Variants in ZNF385D observed in about 807,000 individuals in gnomAD.
The protein encoded by ZNF385D is zinc finger protein 385D, also known as zinc finger protein 659.
ZNF385D carries 15 observed loss-of-function variants against 35.8 expected under a neutral mutation model. That is an observed-to-expected ratio of 0.42 (90% confidence interval 0.28 to 0.64). The LOEUF is 0.64. Ranked by LOEUF, ZNF385D falls within the 30% of genes least tolerant of loss-of-function variation. ZNF385D has a pLI of 0.23. For missense variants in ZNF385D, 474 were observed against 494.6 expected (o/e 0.96, Z 0.39); for synonymous variants, 212 against 186.8 (o/e 1.13, Z -1.10).
intron 3 of ZNF385D, among the ~76,000 whole-genome samples, chr3:21,903,979 G>A (rs566240777): frequency 1.3e-4 from 20 of 152,058 alleles, no homozygotes; most frequent in South Asian, 8.3e-4. Flanking sequence ...CTTTTCAAAG[G>A]TTTGCATCCC....
chr3:22,348,084 T>G (rs905097506), intron 2 of ZNF385D, among the ~76,000 whole-genome samples: 8 of 152,284 alleles, frequency 5.3e-5, no homozygotes, highest in African/African-American at 1.9e-4. Context: ...CATACATTTT[T>G]TAACTGGTAC....
chr3:21,855,712 C>T (rs753322563), intron 3 of ZNF385D, among the ~76,000 whole-genome samples: 1 of 151,936 alleles, frequency 6.6e-6, no homozygotes, highest in Non-Finnish European at 1.5e-5. Context: ...CTAAAAGGTA[C>T]AGAATGAGAA....
chr3:21,536,653 A>G (rs1320112503), intron 3 of ZNF385D, among the ~76,000 whole-genome samples: 1 of 152,086 alleles, frequency 6.6e-6, no homozygotes, highest in African/African-American at 2.4e-5. Context: ...AACAGGCAAA[A>G]ATTTTTGCCC....
chr3:21,888,923 A>G (rs1698693479), intron 3 of ZNF385D, among the ~76,000 whole-genome samples: 1 of 152,220 alleles, frequency 6.6e-6, no homozygotes, highest in Non-Finnish European at 1.5e-5. Context: ...AGAAGATGGT[A>G]TCAGAAAAAT....
rs1415691733 is a variant in ZNF385D at position 21,967,540 on chromosome 3, G to A, written c.325+201277C>T. On this transcript the variant is annotated intron_variant, in intron 3 of 5. Coordinates refer to the ZNF385D transcript ENST00000494108. ...GCTGGTCCTAAAGGGCCAGTTCCTG[G>A]AGAGAAGGAAAGCTTATAGAGGGGA... 3.9e-4 allele frequency among the ~76,000 whole-genome samples: 60 copies of A among 152,174 alleles called. 1 individual carries two copies. The highest frequency in any genetic ancestry group is 3.9e-3 in the Admixed American group (60 of 15,268).
At position 22,362,250 on chromosome 3, in the gene ZNF385D, C is replaced by T. The variant is rs182690460; in HGVS notation, c.106+10200G>A. ...TAATTTATGATCTGAAAAGAGAAAA[C>T]TCTAAGTATCATCTCTTCAGATTAA... On this transcript the variant is annotated intron_variant, in intron 2 of 5. Coordinates refer to the ZNF385D transcript ENST00000494108. Among the ~76,000 whole-genome samples the T allele has an allele frequency of 2.1e-3, 319 of 151,848 alleles. 1 individual carries two copies. Among genetic ancestry groups the T allele is most frequent in the Non-Finnish European group, 3.9e-3 (266 of 67,862 alleles).
intron 3 of ZNF385D, among the ~76,000 whole-genome samples, chr3:22,069,879 C>T (rs1700146583): frequency 6.6e-6 from 1 of 152,124 alleles, no homozygotes. Flanking sequence ...CTCTATGTCT[C>T]CTTTTGCTTT....
intron 3 of ZNF385D, among the ~76,000 whole-genome samples, chr3:21,859,033 G>A (rs1696890892): frequency 1.3e-5 from 2 of 151,952 alleles, no homozygotes; most frequent in African/African-American, 2.4e-5. Context: ...TACATATAAC[G>A]GGGGGAAGTA....
intron 3 of ZNF385D, among the ~76,000 whole-genome samples, chr3:21,864,981 G>C (rs945146359): frequency 2.3e-5 from 2 of 86,156 alleles, no homozygotes; most frequent in African/African-American, 8.8e-5. Context: ...ACCTACGTTT[G>C]GAACAATGCT....
chr3:22,336,400 G>A (rs574655656), intron 2 of ZNF385D, among the ~76,000 whole-genome samples: 23 of 152,138 alleles, frequency 1.5e-4, no homozygotes, highest in African/African-American at 5.5e-4. Context: ...TAGTTTTACG[G>A]AACTGATTTA....
chr3:22,111,032 G>C (rs867560384), intron 3 of ZNF385D, among the ~76,000 whole-genome samples: 2 of 151,664 alleles, frequency 1.3e-5, no homozygotes, highest in Non-Finnish European at 2.9e-5. Context: ...TAGTGTCATT[G>C]TTAAAGGCAA....
intron 3 of ZNF385D, among the ~76,000 whole-genome samples, chr3:21,546,502 C>G (rs1263726910): frequency 2.6e-5 from 4 of 152,048 alleles, no homozygotes; most frequent in Non-Finnish European, 5.9e-5. Context: ...GAGGAGGACT[C>G]AGTTCCACAG....
At chr3:21,447,107 G>T (rs943387984) in intron 4 of ZNF385D, among the ~76,000 whole-genome samples, 1 of 152,092 alleles carries the variant, frequency 6.6e-6, no homozygotes, top group Non-Finnish European at 1.5e-5. Context: ...AGATTGTTAG[G>T]CCTTGTTCTA....
intron 2 of ZNF385D, among the ~76,000 whole-genome samples, chr3:22,321,468 C>T (rs4384975): frequency 0.24 from 36,198 of 151,642 alleles, 4,470 homozygotes; most frequent in East Asian, 0.26. Context: ...TGGGTTCAAG[C>T]GATTCTCCTG....
chr3:22,282,269 T>C (rs1358160903), intron 2 of ZNF385D, among the ~76,000 whole-genome samples: 1 of 152,072 alleles, frequency 6.6e-6, no homozygotes, highest in Non-Finnish European at 1.5e-5. Context: ...ATTTCTTTTC[T>C]TCTGCTGGGT....
intron 3 of ZNF385D, among the ~76,000 whole-genome samples, chr3:21,925,062 G>A (rs1436094019): frequency 6.6e-6 from 1 of 152,150 alleles, no homozygotes; most frequent in Non-Finnish European, 1.5e-5. Context: ...AACACAGTAA[G>A]GATGCCAATT....
intron 3 of ZNF385D, among the ~76,000 whole-genome samples, chr3:22,106,587 C>G (rs1702225420): frequency 6.6e-6 from 1 of 152,144 alleles, no homozygotes; most frequent in Non-Finnish European, 1.5e-5. Context: ...TTGAGTCTCT[C>G]TCTCACCAGT....
intron 2 of ZNF385D, among the ~76,000 whole-genome samples, chr3:22,185,066 G>A (rs1009137400): frequency 6.6e-6 from 1 of 152,008 alleles, no homozygotes; most frequent in African/African-American, 2.4e-5. Context: ...ATTGGATATT[G>A]TTATTTACTA....
chr3:22,303,499 T>A (rs911912627), intron 2 of ZNF385D, among the ~76,000 whole-genome samples: 1 of 152,178 alleles, frequency 6.6e-6, no homozygotes, highest in Non-Finnish European at 1.5e-5. Context: ...TTTTAGTTTA[T>A]GAGGATTTTA....
Sources: allele counts gnomAD v4.1 joint callset (sites outside exome capture counted in the v4.1 genomes callset), GRCh38; gene constraint gnomAD v4.1.1; transcripts MANE v1.5; gene names NCBI Gene and HGNC (gene_info 2026-07-23, HGNC 2026-07-21).